Variants in FERMT2 observed in about 807,000 individuals in gnomAD.
The protein encoded by FERMT2 is FERM domain containing kindlin 2, also known as fermitin family homolog 2.
In FERMT2, 15 loss-of-function variants were observed where a neutral mutation model predicts 82.7. The observed-to-expected ratio is 0.18, with a 90% CI of 0.12 to 0.28. The LOEUF (loss-of-function observed/expected upper bound fraction) is 0.28, where lower values mean the gene tolerates loss of function less well. FERMT2 is among the 10% of genes least tolerant of loss of function. The pLI is 1.00. For missense variants in FERMT2, 645 were observed against 809.4 expected, an observed-to-expected ratio of 0.80 and a Z score of 2.46; for synonymous variants, 274 against 271.5, an observed-to-expected ratio of 1.01 and a Z score of -0.09.
chr14:52,932,854 A>G (rs1312308715), intron 2 of FERMT2, among the ~76,000 whole-genome samples: 2 of 152,202 alleles, frequency 1.3e-5, no homozygotes, highest in East Asian at 1.9e-4. Flanking sequence ...CAACAGTGCA[A>G]TCTACAACAC....
intron 2 of FERMT2, among the ~76,000 whole-genome samples, chr14:52,938,775 T>C (rs1369054824): frequency 6.6e-6 from 1 of 152,096 alleles, no homozygotes. Flanking sequence ...CCATGTTGGC[T>C]GGGCTGGTCT....
At chr14:52,935,711 C>T (rs1245313831) in intron 2 of FERMT2, among the ~76,000 whole-genome samples, 1 of 152,200 alleles carries the variant, frequency 6.6e-6, no homozygotes, top group African/African-American at 2.4e-5. Flanking sequence ...CAGACTAAGA[C>T]AGAAACTAAA....
At chr14:52,926,223 G>A (rs1425100970) in intron 2 of FERMT2, among the ~76,000 whole-genome samples, 3 of 151,980 alleles carry the variant, frequency 2.0e-5, no homozygotes, top group African/African-American at 7.3e-5. Flanking sequence ...TTTTCCATGT[G>A]GCATCAAAAT....
At chr14:52,897,976 CA>C (rs71125145) in intron 3 of FERMT2, among the ~76,000 whole-genome samples, 136 of 93,466 alleles carry the variant, frequency 1.5e-3, no homozygotes, top group African/African-American at 4.9e-3. Context: ...AACTCCGTCT[CA>C]AAAAAAAAAA....
chr14:52,899,023 G>A (rs146283076), intron 3 of FERMT2, among the ~76,000 whole-genome samples: 131 of 152,110 alleles, frequency 8.6e-4, no homozygotes, highest in Admixed American at 8.3e-3. Flanking sequence ...TTTCTGTCTG[G>A]CTCACAAACC....
chr14:52,926,327 T>C (rs144004348), intron 2 of FERMT2, among the ~76,000 whole-genome samples: 146 of 152,236 alleles, frequency 9.6e-4, no homozygotes, highest in African/African-American at 3.3e-3. Context: ...TGTTCTAATC[T>C]AGACTCTGGA....
chr14:52,905,137 C>G (rs1280699397), intron 3 of FERMT2, among the ~76,000 whole-genome samples: 1 of 143,330 alleles, frequency 7.0e-6, no homozygotes, highest in Non-Finnish European at 1.5e-5. Context: ...TTCAGTGAGC[C>G]AAGATTGCGC....
intron 3 of FERMT2, among the ~76,000 whole-genome samples, chr14:52,908,993 A>G (rs1477517997): frequency 6.6e-6 from 1 of 152,106 alleles, no homozygotes; most frequent in Non-Finnish European, 1.5e-5. Flanking sequence ...GGAAACTGGA[A>G]AAGTCAAGTC....
At chr14:52,868,162 T>C (rs1039693901) in intron 10 of FERMT2, among the ~76,000 whole-genome samples, 16 of 152,044 alleles carry the variant, frequency 1.1e-4, no homozygotes, top group Non-Finnish European at 1.6e-4. Flanking sequence ...TATTAAGAAG[T>C]ATTCATCCTT....
At chr14:52,881,661 A>G in intron 4 of FERMT2, 192 bp from the exon 5 acceptor site, 1 of 883,320 alleles carries the variant, frequency 1.1e-6, no homozygotes, top group South Asian at 1.8e-5. Context: ...AAAACACGTA[A>G]TAAAGCCTTA....
At chr14:52,879,607 G>A (rs950862439) in intron 6 of FERMT2, among the ~76,000 whole-genome samples, 2 of 151,930 alleles carry the variant, frequency 1.3e-5, no homozygotes, top group Admixed American at 1.3e-4. Context: ...GTATGATGTG[G>A]CCTGAAAATG....
intron 3 of FERMT2, among the ~76,000 whole-genome samples, chr14:52,903,696 G>C (rs1887811259): frequency 6.6e-6 from 1 of 152,064 alleles, no homozygotes; most frequent in Non-Finnish European, 1.5e-5. Context: ...GCAGAATAAA[G>C]AGAAATATAG....
intron 2 of FERMT2, among the ~76,000 whole-genome samples, chr14:52,931,516 G>C (rs1419535241): frequency 6.6e-6 from 1 of 152,168 alleles, no homozygotes; most frequent in Non-Finnish European, 1.5e-5. Context: ...AAGGCAGAAG[G>C]TGAAGAGAAG....
chr14:52,948,149 T>C (rs1026517939), intron 2 of FERMT2, among the ~76,000 whole-genome samples: 1 of 152,210 alleles, frequency 6.6e-6, no homozygotes, highest in Admixed American at 6.5e-5. Context: ...CTCCACCTTT[T>C]ATCTAGACTC....
intron 10 of FERMT2, among the ~76,000 whole-genome samples, chr14:52,867,446 C>T (rs936693548): frequency 1.3e-5 from 2 of 152,160 alleles, no homozygotes; most frequent in Non-Finnish European, 2.9e-5. Flanking sequence ...TTTCATCATA[C>T]TTCACTGCCA....
chr14:52,914,954 A>T (rs779040682), intron 3 of FERMT2, among the ~76,000 whole-genome samples: 2 of 112,822 alleles, frequency 1.8e-5, no homozygotes, highest in African/African-American at 8.0e-5. Flanking sequence ...AATAAAAATT[A>T]AAAAAACAAG....
At chr14:52,932,464 A>G (rs998295787) in intron 2 of FERMT2, among the ~76,000 whole-genome samples, 3 of 152,384 alleles carry the variant, frequency 2.0e-5, no homozygotes, top group African/African-American at 7.2e-5. Flanking sequence ...TGATTTAATA[A>G]TGGCAACCAC....
At chr14:52,897,193 A>T (rs1887334836) in intron 3 of FERMT2, among the ~76,000 whole-genome samples, 1 of 152,250 alleles carries the variant, frequency 6.6e-6, no homozygotes, top group Admixed American at 6.5e-5. Context: ...AAATCATTTT[A>T]ACAACTGCAT....
chr14:52,866,938 C>G (rs1885319663), intron 10 of FERMT2, among the ~76,000 whole-genome samples: 1 of 152,164 alleles, frequency 6.6e-6, no homozygotes, highest in South Asian at 2.1e-4. Flanking sequence ...CTGAGATCCT[C>G]CCTCTCAGAC....
Sources: gnomAD v4.1 joint callset for allele counts (sites outside exome capture counted in the v4.1 genomes callset) on GRCh38, gnomAD v4.1.1 for gene constraint, MANE v1.5 for transcripts, NCBI Gene and HGNC (gene_info 2026-07-23, HGNC 2026-07-21) for gene names.